OPCML: variants seen among roughly 807,000 people sequenced by gnomAD.
OPCML encodes the protein opioid binding protein/cell adhesion molecule like.
Under a neutral mutation model 37.8 loss-of-function variants are expected in OPCML, and 13 were observed. The ratio of observed to expected loss-of-function variants is 0.34; its 90% CI spans 0.22 to 0.55. The LOEUF (loss-of-function observed/expected upper bound fraction) is 0.55. OPCML is among the 20% of genes least tolerant of loss of function. The pLI, the probability that OPCML is intolerant of heterozygous loss-of-function variation, is 0.91. For synonymous variants in OPCML, 176 were observed against 168.8 expected (o/e 1.04, Z -0.33); for missense variants, 341 against 435.6 (o/e 0.78, Z 1.93).
At chr11:133,508,212 T>G (rs1482070772) in intron 1 of OPCML, among the ~76,000 whole-genome samples, 1 of 152,034 alleles carries the variant, frequency 6.6e-6, no homozygotes, top group Non-Finnish European at 1.5e-5. Context: ...GTTTTTACTG[T>G]GTACAGTGGC....
intron 1 of OPCML, among the ~76,000 whole-genome samples, chr11:132,959,081 C>T (rs576448172): frequency 4.6e-5 from 7 of 152,310 alleles, no homozygotes; most frequent in African/African-American, 1.7e-4. Flanking sequence ...AAAAGATTCA[C>T]CATGCTAAAT....
chr11:133,059,938 T>C (rs1358631702), intron 1 of OPCML, among the ~76,000 whole-genome samples: 1 of 152,214 alleles, frequency 6.6e-6, no homozygotes, highest in Non-Finnish European at 1.5e-5. Flanking sequence ...TTGGAAAACT[T>C]TAATCAGCTA....
chr11:133,016,597 A>G (rs1186638678), intron 1 of OPCML, among the ~76,000 whole-genome samples: 1 of 152,234 alleles, frequency 6.6e-6, no homozygotes, highest in Non-Finnish European at 1.5e-5. Context: ...GCATTAGAAC[A>G]TAATATAATC....
chr11:133,308,817 G>A lies in OPCML; in HGVS notation c.61+223447C>T, dbSNP rs541080290. 1.5e-3 allele frequency among the ~76,000 whole-genome samples: 227 copies of A among 152,184 alleles called. 5 individuals are homozygous for A. Among genetic ancestry groups the A allele is most frequent in the Middle Eastern group, 0.01 (3 of 294 alleles). On this transcript the variant is annotated intron_variant, in intron 1 of 7. Transcript: ENST00000524381. Reference sequence around the variant, plus strand: ...CATTTTGGTGCTGAAAAGTATAAAAGCAATCTTTAAAAAAGAGAGATGTGT... The same window carrying A: ...CATTTTGGTGCTGAAAAGTATAAAAACAATCTTTAAAAAAGAGAGATGTGT...
intron 1 of OPCML, among the ~76,000 whole-genome samples, chr11:133,436,758 A>G (rs1946241708): frequency 6.6e-6 from 1 of 152,210 alleles, no homozygotes; most frequent in South Asian, 2.1e-4. Flanking sequence ...AGTGAGGATA[A>G]TAATAGAACC....
intron 3 of OPCML, among the ~76,000 whole-genome samples, chr11:132,529,456 G>A (rs1272315980): frequency 6.6e-6 from 1 of 152,086 alleles, no homozygotes; most frequent in Non-Finnish European, 1.5e-5. Context: ...TGGTGTGACT[G>A]TTGATTGAAA....
chr11:133,117,752 T>A (rs1231713761), intron 1 of OPCML: 1 of 967,864 alleles, frequency 1.0e-6, no homozygotes, highest in Non-Finnish European at 1.2e-6. Context: ...GAAAGTAATG[T>A]ACAATTGCAA....
chr11:133,175,519 T>C (rs1285326619), intron 1 of OPCML, among the ~76,000 whole-genome samples: 1 of 150,230 alleles, frequency 6.7e-6, no homozygotes, highest in Non-Finnish European at 1.5e-5. Context: ...TTTTCCATGA[T>C]GGACTGCAAC....
At chr11:132,792,686 G>GGGCGGCCCCCACC (rs1938005079) in intron 2 of OPCML, among the ~76,000 whole-genome samples, 1 of 152,182 alleles carries the variant, frequency 6.6e-6, no homozygotes, top group Admixed American at 6.5e-5. Context: ...CGGAGGGGAT[G>GGGCGGCCCCCACC]GGCGGCCCCC....
At chr11:133,308,000 T>G (rs1942969440) in intron 1 of OPCML, among the ~76,000 whole-genome samples, 2 of 152,064 alleles carry the variant, frequency 1.3e-5, no homozygotes, top group Admixed American at 1.3e-4. Context: ...GAGCTAGAAA[T>G]CTAACAATGA....
intron 4 of OPCML, among the ~76,000 whole-genome samples, chr11:132,506,288 AG>A (rs1218482217): frequency 3.9e-5 from 6 of 152,204 alleles, no homozygotes; most frequent in Admixed American, 2.6e-4. Context: ...ATTGCAAAAC[AG>A]GTTTTCAATA....
chr11:132,583,990 G>C (rs1460021945), intron 3 of OPCML, among the ~76,000 whole-genome samples: 1 of 152,074 alleles, frequency 6.6e-6, no homozygotes, highest in Non-Finnish European at 1.5e-5. Context: ...CTTAGGAAAT[G>C]TGGCATCTAA....
intron 4 of OPCML, among the ~76,000 whole-genome samples, chr11:132,437,906 G>A (rs769342854): frequency 2.0e-5 from 3 of 152,150 alleles, no homozygotes; most frequent in Non-Finnish European, 4.4e-5. Context: ...ACCTGTGTTG[G>A]AGAAGATAGA....
intron 2 of OPCML, 125 bp from the exon 3 acceptor site, chr11:132,657,444 A>G: frequency 6.9e-7 from 1 of 1,441,818 alleles, no homozygotes; most frequent in Non-Finnish European, 9.1e-7. Context: ...ACACAGTGCT[A>G]AAAGGAAACA....
At chr11:132,433,700 A>G (rs1359281088) in intron 7 of OPCML, among the ~76,000 whole-genome samples, 1 of 152,108 alleles carries the variant, frequency 6.6e-6, no homozygotes, top group Non-Finnish European at 1.5e-5. Flanking sequence ...TAAGGGTGGG[A>G]CCCTGATCCA....
chr11:132,438,876 C>A (rs966449003), intron 4 of OPCML, among the ~76,000 whole-genome samples: 1 of 152,068 alleles, frequency 6.6e-6, no homozygotes, highest in East Asian at 1.9e-4. Context: ...CACCCACCTA[C>A]CCATTTCCCC....
intron 1 of OPCML, among the ~76,000 whole-genome samples, chr11:132,957,458 A>G (rs1296482411): frequency 6.6e-6 from 1 of 152,200 alleles, no homozygotes; most frequent in Non-Finnish European, 1.5e-5. Flanking sequence ...GGATCCCAAG[A>G]CAGAGGTAGA....
chr11:133,428,800 A>G (rs1457276651), intron 1 of OPCML, among the ~76,000 whole-genome samples: 1 of 152,212 alleles, frequency 6.6e-6, no homozygotes, highest in Non-Finnish European at 1.5e-5. Flanking sequence ...CAATAAAAAA[A>G]TCAGCTTAAT....
intron 1 of OPCML, among the ~76,000 whole-genome samples, chr11:133,049,866 C>T (rs1948097645): frequency 6.6e-6 from 1 of 152,196 alleles, no homozygotes; most frequent in South Asian, 2.1e-4. Context: ...GGGAGACCCC[C>T]TCAGGAGGGT....
Sources: gnomAD v4.1 joint callset for allele counts (sites outside exome capture counted in the v4.1 genomes callset) on GRCh38, gnomAD v4.1.1 for gene constraint, MANE v1.5 for transcripts, NCBI Gene and HGNC (gene_info 2026-07-23, HGNC 2026-07-21) for gene names.